NRG1: variants seen among roughly 807,000 people sequenced by gnomAD.
NRG1 encodes pro-neuregulin-1, membrane-bound isoform.
NRG1 carries 18 observed loss-of-function variants against 63.8 expected under a neutral mutation model. That is an observed-to-expected ratio of 0.28 (90% CI 0.19 to 0.42). The LOEUF is 0.42. Among genes scored for constraint, NRG1 ranks in the 10% least tolerant of loss-of-function variants. NRG1 has a pLI of 1.00. For missense variants in NRG1, 762 were observed against 814.7 expected (o/e 0.94, Z 0.79); for synonymous variants, 302 against 301.3 (o/e 1.00, Z -0.02).
At chr8:32,577,611 T>A (rs1187351359) in intron 1 of NRG1, among the ~76,000 whole-genome samples, 1 of 152,080 alleles carries the variant, frequency 6.6e-6, no homozygotes, top group Non-Finnish European at 1.5e-5. Context: ...AGAATAACAA[T>A]GAACCTAATA....
chr8:31,641,541 C>G (rs546038534), intron 1 of NRG1, among the ~76,000 whole-genome samples: 2 of 152,274 alleles, frequency 1.3e-5, no homozygotes, highest in South Asian at 4.1e-4. Context: ...CTTCCCGGGT[C>G]TGCTTCATAT....
At chr8:32,763,861 T>A (rs549054283) in exon 12 of NRG1, 1 of 1,614,052 alleles carries the variant, frequency 6.2e-7, no homozygotes, top group South Asian at 1.1e-5. Flanking sequence ...AGCATGACGG[T>A]GTCCATGCCT....
Position 32,403,021 on chromosome 8 carries a change from G to A in NRG1, c.38-192807G>A, listed in dbSNP as rs996179738. Among the ~76,000 whole-genome samples, 6 of 149,808 alleles carry A rather than the reference G, an allele frequency of 4.0e-5. No homozygotes were observed. The South Asian group carries it at 8.5e-4, about 21-fold the overall frequency. On this transcript the variant is annotated intron_variant, in intron 1 of 10. Coordinates refer to the NRG1 transcript ENST00000519301. ...AGAAAGAAATGAGCAAGCACTGGCC[G>A]GGCACAGTGGCTCACACCTGTAATC...
intron 1 of NRG1, among the ~76,000 whole-genome samples, chr8:31,966,250 A>G (rs1210996032): frequency 7.0e-6 from 1 of 142,344 alleles, no homozygotes; most frequent in Admixed American, 7.0e-5. Flanking sequence ...TGCAACACCT[A>G]TATCTTACCA....
intron 1 of NRG1, among the ~76,000 whole-genome samples, chr8:32,362,793 T>A (rs555313156): frequency 6.6e-6 from 1 of 152,112 alleles, no homozygotes; most frequent in African/African-American, 2.4e-5. Context: ...CCATGGAAGA[T>A]CTAATGAAAA....
At chr8:31,834,788 A>G (rs1445968582) in intron 1 of NRG1, among the ~76,000 whole-genome samples, 1 of 152,242 alleles carries the variant, frequency 6.6e-6, no homozygotes, top group Non-Finnish European at 1.5e-5. Flanking sequence ...AAATGGTTTA[A>G]CAACCTCAGT....
At chr8:31,677,780 A>T (rs1039855569) in intron 1 of NRG1, among the ~76,000 whole-genome samples, 1 of 152,218 alleles carries the variant, frequency 6.6e-6, no homozygotes, top group Non-Finnish European at 1.5e-5. Context: ...GTTGGATACC[A>T]TTCAATCCTG....
chr8:31,774,321 G>A lies in NRG1; in HGVS notation c.37+134890G>A, dbSNP rs541608943. 2.0e-5 allele frequency among the ~76,000 whole-genome samples: 3 copies of A among 152,058 alleles called. No individual in the cohort carries two copies. In the South Asian group the frequency reaches 6.2e-4, roughly 32 times the overall value. ...TTCCTTATTCTCTATCCCTTACCAT[G>A]CTTTATTTTTCTTCATGACCCTTAT... On this transcript the variant is annotated intron_variant, in intron 1 of 10. Coordinates refer to the NRG1 transcript ENST00000519301.
chr8:32,430,602 A>T (rs1401343048), intron 1 of NRG1, among the ~76,000 whole-genome samples: 2 of 152,134 alleles, frequency 1.3e-5, no homozygotes, highest in Non-Finnish European at 2.9e-5. Flanking sequence ...ACTTGCAAAT[A>T]TTGTGTTACG....
At chr8:32,048,001 T>G (rs1271055044) in intron 1 of NRG1, among the ~76,000 whole-genome samples, 1 of 152,002 alleles carries the variant, frequency 6.6e-6, no homozygotes, top group African/African-American at 2.4e-5. Context: ...CATGCAATAT[T>G]TGTCTTTCTG....
intron 1 of NRG1, among the ~76,000 whole-genome samples, chr8:32,051,697 T>TACAACA (rs35685427): frequency 1.2e-4 from 18 of 151,284 alleles, no homozygotes; most frequent in African/African-American, 2.2e-4. Flanking sequence ...GTTCAGGAAC[T>TACAACA]ACAACAACAA....
At chr8:31,928,152 T>C (rs1585832049) in intron 1 of NRG1, among the ~76,000 whole-genome samples, 1 of 151,784 alleles carries the variant, frequency 6.6e-6, no homozygotes, top group African/African-American at 2.4e-5. Context: ...AGCCAAATAG[T>C]ATTTTAGGCT....
At chr8:32,763,701 G>T in intron 11 of NRG1, 47 bp from the exon 12 acceptor site, 1 of 1,500,720 alleles carries the variant, frequency 6.7e-7, no homozygotes, top group Non-Finnish European at 8.9e-7. Context: ...CCTGCTATGT[G>T]CCTCTTATTG....
At chr8:32,525,391 G>GGT (rs200594879) in intron 1 of NRG1, among the ~76,000 whole-genome samples, 32,304 of 145,514 alleles carry the variant, frequency 0.22, 4,023 homozygotes, top group East Asian at 0.63. Flanking sequence ...ATGAGGTAGG[G>GGT]GTGTGTGTGT....
At chr8:31,924,145 G>C (rs1834141433) in intron 1 of NRG1, among the ~76,000 whole-genome samples, 1 of 151,932 alleles carries the variant, frequency 6.6e-6, no homozygotes, top group African/African-American at 2.4e-5. Flanking sequence ...ACAAGATCAG[G>C]AGTTCGAGAC....
chr8:32,318,499 G>T (rs535487672), intron 1 of NRG1, among the ~76,000 whole-genome samples: 95 of 152,226 alleles, frequency 6.2e-4, no homozygotes, highest in Admixed American at 1.0e-3. Flanking sequence ...GACTTAACCT[G>T]TAACAGGCTG....
intron 1 of NRG1, among the ~76,000 whole-genome samples, chr8:32,430,787 G>GTTTTTTTTT (rs35752428): frequency 3.7e-5 from 5 of 134,148 alleles, no homozygotes; most frequent in Non-Finnish European, 3.2e-5. Flanking sequence ...AATGGTTTGG[G>GTTTTTTTTT]TTTTTTTTTT....
intron 5 of NRG1, among the ~76,000 whole-genome samples, chr8:32,670,324 C>T (rs532912002): frequency 1.3e-5 from 2 of 152,262 alleles, no homozygotes; most frequent in East Asian, 3.9e-4. Flanking sequence ...TTGGAAGTTA[C>T]AAATTCATTA....
chr8:31,987,183 C>T (rs1246582891), intron 1 of NRG1, among the ~76,000 whole-genome samples: 1 of 151,646 alleles, frequency 6.6e-6, no homozygotes. Flanking sequence ...GCTTGTAGTC[C>T]CAGCTACTTG....
Sources: allele counts gnomAD v4.1 joint callset (sites outside exome capture counted in the v4.1 genomes callset), GRCh38; gene constraint gnomAD v4.1.1; transcripts MANE v1.5; gene names NCBI Gene and HGNC (gene_info 2026-07-23, HGNC 2026-07-21).